The following B4GALT1 variants were observed in gnomAD, a reference collection of about 807,000 sequenced individuals.
The protein encoded by B4GALT1 is beta-1,4-galactosyltransferase 1.
A neutral mutation model predicts 34.9 loss-of-function variants in B4GALT1; 16 were observed. The ratio of observed to expected loss-of-function variants is 0.46; its 90% CI spans 0.31 to 0.70. The LOEUF is 0.70. B4GALT1 is among the 30% of genes least tolerant of loss of function. The pLI is 0.05. For synonymous variants in B4GALT1, 221 were observed against 218.1 expected, an observed-to-expected ratio of 1.01 and a Z score of -0.12; for missense variants, 445 against 530.5, an observed-to-expected ratio of 0.84 and a Z score of 1.58.
intron 1 of B4GALT1, among the ~76,000 whole-genome samples, chr9:33,154,333 A>G (rs1195405589): frequency 6.6e-6 from 1 of 152,214 alleles, no homozygotes; most frequent in Non-Finnish European, 1.5e-5. Context: ...AGGAATAGAA[A>G]GGAACTTCCT....
chr9:33,122,500 C>T (rs1207083414), intron 2 of B4GALT1, among the ~76,000 whole-genome samples: 3 of 147,388 alleles, frequency 2.0e-5, no homozygotes, highest in Admixed American at 1.4e-4. Flanking sequence ...GAGTGAGACC[C>T]CCATCTCAAA....
At chr9:33,172,903 T>G in the B4GALT1 span, among the ~76,000 whole-genome samples, 5 of 136,430 alleles carry the variant, frequency 3.7e-5, no homozygotes, top group South Asian at 2.2e-4. Context: ...ATAGACAGGG[T>G]GTCAAAGCCC....
chr9:33,133,073 T>C (rs1482345534), intron 2 of B4GALT1, among the ~76,000 whole-genome samples: 1 of 152,128 alleles, frequency 6.6e-6, no homozygotes, highest in Non-Finnish European at 1.5e-5. Flanking sequence ...CAGCTAATTT[T>C]TGTATTTTTA....
chr9:33,119,024 G>A (rs911984591), intron 3 of B4GALT1, among the ~76,000 whole-genome samples: 3 of 152,036 alleles, frequency 2.0e-5, no homozygotes, highest in Non-Finnish European at 2.9e-5. Flanking sequence ...ACCACACCTG[G>A]CTAATTTTTG....
intron 2 of B4GALT1, among the ~76,000 whole-genome samples, chr9:33,122,804 G>A (rs1486229469): frequency 2.0e-5 from 3 of 152,156 alleles, no homozygotes; most frequent in African/African-American, 7.2e-5. Context: ...GAGTTGATTT[G>A]GAATTCTGCG....
At chr9:33,135,791 C>G (rs1840260264) in intron 1 of B4GALT1, among the ~76,000 whole-genome samples, 1 of 152,172 alleles carries the variant, frequency 6.6e-6, no homozygotes, top group Non-Finnish European at 1.5e-5. Flanking sequence ...GGCAATTTCT[C>G]AAAACCCCTG....
intron 2 of B4GALT1, chr9:33,104,822 CTTT>C (rs145270477): frequency 4.5e-3 from 1,784 of 399,380 alleles, no homozygotes; most frequent in East Asian, 0.02. Context: ...ATCATTTTAC[CTTT>C]TTTTTTTTTT....
chr9:33,164,837 G>T (rs556581522), intron 1 of B4GALT1, among the ~76,000 whole-genome samples: 1 of 152,268 alleles, frequency 6.6e-6, no homozygotes, highest in South Asian at 2.1e-4. Context: ...CTGGCCTGGA[G>T]ACTCAGTCTC....
chr9:33,124,773 G>A (rs1840068304), intron 2 of B4GALT1, among the ~76,000 whole-genome samples: 1 of 152,196 alleles, frequency 6.6e-6, no homozygotes, highest in Non-Finnish European at 1.5e-5. Context: ...TGTAGTGTTT[G>A]CTTCAAAATT....
At chr9:33,176,038 C>A in the B4GALT1 span, among the ~76,000 whole-genome samples, 2 of 152,194 alleles carry the variant, frequency 1.3e-5, no homozygotes, top group Admixed American at 1.3e-4. Context: ...ACATAACAGC[C>A]ATTAGCAAAT....
chr9:33,183,759 G>A, the B4GALT1 span, among the ~76,000 whole-genome samples: 1 of 151,164 alleles, frequency 6.6e-6, no homozygotes, highest in Non-Finnish European at 1.5e-5. Flanking sequence ...ATGTGCACAT[G>A]TACCCTAAAA....
the B4GALT1 span, among the ~76,000 whole-genome samples, chr9:33,175,568 A>G: frequency 6.6e-6 from 1 of 152,234 alleles, no homozygotes; most frequent in African/African-American, 2.4e-5. Flanking sequence ...TGATGGGTCC[A>G]TAAGATTATA....
At chr9:33,149,264 TA>T (rs1292958204) in intron 1 of B4GALT1, among the ~76,000 whole-genome samples, 11 of 151,668 alleles carry the variant, frequency 7.3e-5, no homozygotes, top group African/African-American at 2.2e-4. Flanking sequence ...ATAAGATACT[TA>T]AAAAATTTTT....
intron 1 of B4GALT1, among the ~76,000 whole-genome samples, chr9:33,154,427 G>A (rs1477973214): frequency 5.3e-5 from 8 of 152,126 alleles, no homozygotes; most frequent in African/African-American, 1.9e-4. Flanking sequence ...CCCCTAACAA[G>A]ACACATATGT....
chr9:33,175,834 C>A, the B4GALT1 span, among the ~76,000 whole-genome samples: 1 of 152,170 alleles, frequency 6.6e-6, no homozygotes, highest in Non-Finnish European at 1.5e-5. Flanking sequence ...ACAAAATTGA[C>A]TATCGACACA....
chr9:33,169,813 G>T (rs144171311), upstream of B4GALT1, among the ~76,000 whole-genome samples: 6 of 151,846 alleles, frequency 4.0e-5, no homozygotes, highest in African/African-American at 1.5e-4. Context: ...GAGCCACCGC[G>T]CCCGGCCTTA....
In B4GALT1 at chr9:33,162,799, A is replaced by G. The variant is rs374831085; in HGVS notation, c.412+3959T>C. On this transcript the variant is annotated intron_variant, in intron 1 of 5. Transcript: ENST00000379731. ...TGGAGGCGGTGCCTTGTGTTTGCTC[A>G]AAGTCTGGAATGAATTACAGCAGCC... Among the ~76,000 whole-genome samples, 8 of 152,320 alleles carry G rather than the reference A, an allele frequency of 5.3e-5. No homozygotes were observed. In the East Asian group the frequency reaches 7.7e-4, roughly 15 times the overall value.
chr9:33,113,896 A>G lies in B4GALT1; in HGVS notation c.960-18T>C. ...AAACTAATCTGCAAAGAGTAAAGGG[A>G]AAGTCATTATCACAGAGCTGCCATA... On this transcript the variant is annotated intron_variant, in intron 4 of 5. Transcript: ENST00000379731. The G allele has an allele frequency of 1.9e-6, 3 of 1,611,462 alleles. No individual in the cohort carries two copies. The highest frequency in any genetic ancestry group is 2.5e-6 in the Non-Finnish European group (3 of 1,177,542).
rs1271582073 is a variant in B4GALT1, at chr9:33,123,209, T to C, written c.649-2603A>G. On this transcript the variant is annotated intron_variant, in intron 2 of 5. Transcript: ENST00000379731. ...AGGAGAATCACTTGAAGCCGGGAGGTGGAGGTTGCAGTGAGCCAAGATTGC... is the reference window on the plus strand; with the variant it reads ...AGGAGAATCACTTGAAGCCGGGAGGCGGAGGTTGCAGTGAGCCAAGATTGC... Among the ~76,000 whole-genome samples, 9 of 126,500 alleles carry C rather than the reference T, an allele frequency of 7.1e-5. No homozygotes were observed. In the Admixed American group the frequency reaches 8.5e-4, roughly 12 times the overall value. 83.0% of individuals were successfully genotyped at this position (126,500 alleles called of 152,430 possible).
Sources: allele counts gnomAD v4.1 joint callset (sites outside exome capture counted in the v4.1 genomes callset), GRCh38; gene constraint gnomAD v4.1.1; transcripts MANE v1.5; gene names NCBI Gene and HGNC (gene_info 2026-07-23, HGNC 2026-07-21).